Variants in TMEM163 observed in about 807,000 individuals in gnomAD.
TMEM163 encodes the protein transmembrane protein 163.
In TMEM163, 17 loss-of-function variants were observed where a neutral mutation model predicts 29.3. That is an observed-to-expected ratio of 0.58 (90% CI 0.40 to 0.87). TMEM163 has a LOEUF of 0.87. TMEM163 is among the 40% of genes least tolerant of loss of function. The pLI is 0.00. For missense variants in TMEM163, 303 were observed against 381.5 expected (o/e 0.79, Z 1.71); for synonymous variants, 157 against 160.6 (o/e 0.98, Z 0.17).
At chr2:134,465,217 A>AAAC (rs1686642963) in intron 6 of TMEM163, among the ~76,000 whole-genome samples, 2 of 135,868 alleles carry the variant, frequency 1.5e-5, no homozygotes, top group African/African-American at 6.7e-5. Context: ...AAACAAAACA[A>AAAC]AAATATATAT....
chr2:134,490,585 G>A (rs1679407059), intron 5 of TMEM163, among the ~76,000 whole-genome samples: 1 of 152,138 alleles, frequency 6.6e-6, no homozygotes, highest in Non-Finnish European at 1.5e-5. Context: ...ATTTTAATAG[G>A]ATTACTGAAA....
At chr2:134,593,775 TA>T (rs757372442) in intron 2 of TMEM163, among the ~76,000 whole-genome samples, 1 of 151,916 alleles carries the variant, frequency 6.6e-6, no homozygotes, top group Non-Finnish European at 1.5e-5. Context: ...GCTTGATTCA[TA>T]AAAAATTGAA....
At chr2:134,534,581 G>A (rs564622886) in intron 4 of TMEM163, among the ~76,000 whole-genome samples, 21 of 152,108 alleles carry the variant, frequency 1.4e-4, no homozygotes, top group African/African-American at 2.4e-4. Flanking sequence ...GTGAAACACC[G>A]TCTCTACTAA....
chr2:134,463,748 T>C (rs1268244340), intron 6 of TMEM163, among the ~76,000 whole-genome samples: 1 of 152,184 alleles, frequency 6.6e-6, no homozygotes, highest in African/African-American at 2.4e-5. Flanking sequence ...AGGCAGAAAC[T>C]GGAAAGGGAG....
chr2:134,700,876 G>A (rs1684684302), intron 2 of TMEM163, among the ~76,000 whole-genome samples: 1 of 147,118 alleles, frequency 6.8e-6, no homozygotes, highest in Admixed American at 6.8e-5. Flanking sequence ...ACTCCAGCCT[G>A]GGTGACAAGA....
In TMEM163 at chr2:134,718,752, C is replaced by A. The variant is rs1685096046; in HGVS notation, c.184G>T (p.Asp62Tyr). 1 of 1,154,074 alleles carries A rather than the reference C, an allele frequency of 8.7e-7. No homozygotes were observed. The highest frequency in any genetic ancestry group is 1.1e-6 in the Non-Finnish European group (1 of 938,498). The allele number at this position is 1,154,074 out of a possible 1,614,324, so 71.5% of individuals were successfully genotyped here. A position where few individuals can be genotyped will look rare whatever the true frequency, so the allele number is the denominator to read the frequency against. Reference protein sequence around the residue: ...VRISESGQFSDGLEDRGLLES... With the variant: ...VRISESGQFSYGLEDRGLLES... ...CGCTCACCTCGGTCCTCCAGCCCGT[C>A]GCTGAACTGGCCGCTCTCGCTGATC... is the stretch of plus-strand genomic sequence containing the variant. The change falls in exon 1 of 8, where the codon GAC (aspartate) becomes TAC (tyrosine). Residue 62 changes from aspartate (D) to tyrosine (Y), a missense_variant. Asp to Tyr is a radical substitution (Grantham distance 160, BLOSUM62 -3). This residue lies in a region of TMEM163 where 100 missense variants were observed against 87.2 expected (regional missense o/e 1.15). Coordinates refer to ENST00000281924, the MANE Select transcript of TMEM163 (RefSeq NM_030923.5).
intron 4 of TMEM163, among the ~76,000 whole-genome samples, chr2:134,521,279 G>A (rs1245962610): frequency 1.3e-5 from 2 of 152,156 alleles, no homozygotes; most frequent in Non-Finnish European, 2.9e-5. Flanking sequence ...TTACAGGCAT[G>A]AGCCACCACG....
intron 2 of TMEM163, among the ~76,000 whole-genome samples, chr2:134,666,932 C>T (rs1388185239): frequency 1.3e-5 from 2 of 152,190 alleles, no homozygotes; most frequent in Non-Finnish European, 2.9e-5. Flanking sequence ...AGGATGTCGT[C>T]TTCTCCATCA....
intron 4 of TMEM163, among the ~76,000 whole-genome samples, chr2:134,537,481 T>C (rs1164475749): frequency 6.6e-6 from 1 of 152,148 alleles, no homozygotes; most frequent in Non-Finnish European, 1.5e-5. Context: ...AATCCCATCA[T>C]GGGGGCCCCA....
At chr2:134,644,689 C>T (rs764270319) in intron 2 of TMEM163, among the ~76,000 whole-genome samples, 9 of 151,738 alleles carry the variant, frequency 5.9e-5, no homozygotes, top group Non-Finnish European at 1.3e-4. Flanking sequence ...AGGAGAAATC[C>T]GTTGGGATCT....
intron 2 of TMEM163, among the ~76,000 whole-genome samples, chr2:134,642,425 C>T (rs188176956): frequency 1.2e-4 from 18 of 152,242 alleles, no homozygotes; most frequent in African/African-American, 2.2e-4. Context: ...CCACCGCGAA[C>T]GGCCACCAAT....
chr2:134,492,675 A>G (rs767116247), intron 5 of TMEM163, among the ~76,000 whole-genome samples: 17 of 152,096 alleles, frequency 1.1e-4, no homozygotes, highest in Non-Finnish European at 2.4e-4. Flanking sequence ...ACATCACCGC[A>G]TGCGTCAGTA....
intron 5 of TMEM163, among the ~76,000 whole-genome samples, chr2:134,473,628 G>A (rs968631875): frequency 1.3e-5 from 2 of 151,812 alleles, no homozygotes; most frequent in African/African-American, 4.8e-5. Flanking sequence ...ATAAAGATCA[G>A]TAATGTAGGA....
intron 2 of TMEM163, among the ~76,000 whole-genome samples, chr2:134,658,841 C>T: frequency 6.6e-6 from 1 of 152,138 alleles, no homozygotes; most frequent in Non-Finnish European, 1.5e-5. Flanking sequence ...TCGTGATCCG[C>T]CCTCCTCAGC....
chr2:134,684,623 C>T (rs1285002879), intron 2 of TMEM163, among the ~76,000 whole-genome samples: 1 of 152,082 alleles, frequency 6.6e-6, no homozygotes, highest in Admixed American at 6.5e-5. Flanking sequence ...TTTGGGAACA[C>T]AGAGAGATAC....
chr2:134,590,647 GCC>G (rs1378936970), intron 2 of TMEM163, among the ~76,000 whole-genome samples: 1 of 152,206 alleles, frequency 6.6e-6, no homozygotes, highest in Non-Finnish European at 1.5e-5. Flanking sequence ...AGGCAGAACA[GCC>G]CTGAGGGCTG....
intron 2 of TMEM163, among the ~76,000 whole-genome samples, chr2:134,683,059 G>A (rs935390533): frequency 6.6e-6 from 1 of 152,190 alleles, no homozygotes; most frequent in Non-Finnish European, 1.5e-5. Flanking sequence ...TGACATTCTG[G>A]AAAAGACAAA....
chr2:134,682,770 A>G (rs1033001832), intron 2 of TMEM163, among the ~76,000 whole-genome samples: 10 of 152,190 alleles, frequency 6.6e-5, no homozygotes, highest in African/African-American at 2.2e-4. Flanking sequence ...GCTCCTTGGT[A>G]TCTACCCAAA....
At position 134,517,371 on chromosome 2, in the gene TMEM163, G is replaced by C. The variant is rs142647997; in HGVS notation, c.459-14374C>G. Among the ~76,000 whole-genome samples, 53 of 152,294 alleles carry C rather than the reference G, an allele frequency of 3.5e-4. No homozygotes were observed. In the East Asian group the frequency reaches 7.3e-3, roughly 21 times the overall value. On this transcript the variant is annotated intron_variant, in intron 4 of 7. Coordinates refer to ENST00000281924, the MANE Select transcript of TMEM163 (RefSeq NM_030923.5). The stretch of plus-strand genomic sequence containing the variant: ...TGATGGGGAGATGGGGAATTACGGA[G>C]AAATAGAGAGCTGGAGACAGTCTGG...
Sources: allele counts gnomAD v4.1 joint callset (sites outside exome capture counted in the v4.1 genomes callset), GRCh38; gene constraint gnomAD v4.1.1; regional missense constraint gnomAD v4.1.1; transcripts MANE v1.5; gene names NCBI Gene and HGNC (gene_info 2026-07-23, HGNC 2026-07-21).